FBN3: variants seen among roughly 807,000 people sequenced by gnomAD.
FBN3 encodes fibrillin 3, also known as fibrillin-3.
A neutral mutation model predicts 330.1 loss-of-function variants in FBN3; 234 were observed. That is an observed-to-expected ratio of 0.71 (90% CI 0.64 to 0.79). FBN3 has a LOEUF of 0.79. Ranked by LOEUF, FBN3 falls within the 30% of genes least tolerant of loss-of-function variation. The probability of loss-of-function intolerance (pLI) is 0.00; values close to 1 mark genes in which losing one functional copy is unlikely to be tolerated. For synonymous variants in FBN3, 1,458 were observed against 1,517.3 expected, an observed-to-expected ratio of 0.96 and a Z score of 0.91; for missense variants, 3,606 against 3,886.9, an observed-to-expected ratio of 0.93 and a Z score of 1.92.
rs998075369 is a variant in FBN3 at position 8,109,634 on chromosome 19, C to T, written c.4453G>A (p.Val1485Met). ...FELNPSGVGC[V>M]DTRAGNCFLE... ...CTGGAGTTGAGCATGGACTCACCCA[C>T]GCAGCCCACTCCGCTGGGGTTCAGC... The change falls in exon 35 of 64, where the codon GTG (valine) becomes ATG (methionine). Residue 1485 changes from valine (V) to methionine (M), a missense_variant. Coordinates refer to ENST00000600128, the MANE Select transcript of FBN3 (RefSeq NM_032447.5). This position sits in a 1 kb window ranked among gnomAD's most constrained non-coding sequence, Gnocchi z 5.2. 23 of 1,593,864 alleles carry T rather than the reference C, an allele frequency of 1.4e-5. No homozygotes were observed. Among genetic ancestry groups the T allele is most frequent in the Non-Finnish European group, 1.6e-5 (19 of 1,169,728 alleles).
chr19:8,080,642 G>C (rs1170186745), intron 59 of FBN3, among the ~76,000 whole-genome samples: 1 of 152,080 alleles, frequency 6.6e-6, no homozygotes, highest in Non-Finnish European at 1.5e-5. Flanking sequence ...TTTTGAGACA[G>C]AGTTTCGCTC....
In FBN3 at chr19:8,091,563, T is replaced by A; in HGVS notation, c.5933A>T (p.Asn1978Ile). Reference protein sequence around the residue: ...IDIDECSEEPNLCLFGTCTNS... With the variant: ...IDIDECSEEPILCLFGTCTNS... Reference sequence around the variant, plus strand: ...GGTACAGGTGCCAAAGAGGCAGAGGTTGGGCTCCTCTGAGCACTCGTCGAT... The same window carrying A: ...GGTACAGGTGCCAAAGAGGCAGAGGATGGGCTCCTCTGAGCACTCGTCGAT... Residue 1978 changes from asparagine (N) to isoleucine (I), a missense_variant, in exon 48 of 64, where the codon AAC (asparagine) becomes ATC (isoleucine). Asn to Ile is a moderately radical substitution (Grantham distance 149). Coordinates refer to ENST00000600128, the MANE Select transcript of FBN3 (RefSeq NM_032447.5). 1 of 1,613,888 alleles carries A rather than the reference T, an allele frequency of 6.2e-7. No homozygotes were observed. The highest frequency in any genetic ancestry group is 1.1e-5 in the South Asian group (1 of 91,070).
intron 18 of FBN3, among the ~76,000 whole-genome samples, chr19:8,127,213 A>G (rs1001823890): frequency 6.6e-6 from 1 of 151,882 alleles, no homozygotes; most frequent in African/African-American, 2.4e-5. Flanking sequence ...ATGTGCCACC[A>G]TGCCTGGCTA....
chr19:8,131,660 G>A lies in FBN3; in HGVS notation c.1884C>T (p.Ser628=). The A allele has an allele frequency of 1.2e-6, 2 of 1,614,254 alleles. No individual in the cohort carries two copies. The highest frequency in any genetic ancestry group is 8.5e-7 in the Non-Finnish European group (1 of 1,180,050). Residue 628 remains serine, a synonymous_variant, in exon 15 of 64, where the codon TCC becomes TCT. Transcript: ENST00000600128. The surrounding 1 kb of genome is among the most constrained non-coding windows in gnomAD (Gnocchi z 4.5). ...STCYGAIEKG[S]CARPFPGTVT... ...CAGTGCCAGGGAAGGGGCGGGCACA[G>A]GAGCCCTTCTCGATGGCCCCATAGC...
In FBN3 at chr19:8,072,310, C is replaced by A. The variant is rs368254442; in HGVS notation, c.7938-112G>T. 19 of 1,117,632 alleles carry A rather than the reference C, an allele frequency of 1.7e-5. 1 individual carries two copies. The African/African-American group carries it at 3.0e-4, about 18-fold the overall frequency. The allele number at this position is 1,117,632 out of a possible 1,614,324, so 69.2% of individuals were successfully genotyped here. On this transcript the variant is annotated intron_variant, in intron 62 of 63. Coordinates refer to ENST00000600128, the MANE Select transcript of FBN3 (RefSeq NM_032447.5). ...CTGAGTCATGCTGCAAATGCCCACG[C>A]ACACAAATGCCTCTGAGCATGTGCT...
chr19:8,127,587 C>T (rs529125371), intron 18 of FBN3, among the ~76,000 whole-genome samples: 66 of 152,328 alleles, frequency 4.3e-4, no homozygotes, highest in African/African-American at 1.5e-3. Context: ...AGTTGCAAAT[C>T]GGGGCCTCCA....
intron 56 of FBN3, among the ~76,000 whole-genome samples, chr19:8,085,124 A>G (rs2081906555): frequency 6.6e-6 from 1 of 152,116 alleles, no homozygotes; most frequent in Non-Finnish European, 1.5e-5. Context: ...CAGAACACAT[A>G]CACACACATT....
intron 13 of FBN3, 25 bp downstream of exon 13, chr19:8,135,936 G>GGGGGGGGGGGGGGGGCCGCCCCCCC: frequency 3.0e-6 from 2 of 668,778 alleles, no homozygotes; most frequent in East Asian, 3.9e-5. Flanking sequence ...GGAAGCCCCT[G>GGGGGGGGGGGGGGGGCCGCCCCCCC]CCCACCCGCC....
chr19:8,110,766 G>T (rs2082560727), intron 34 of FBN3, 79 bp downstream of exon 34: 1 of 1,567,196 alleles, frequency 6.4e-7, no homozygotes, highest in African/African-American at 1.3e-5. Flanking sequence ...GAGATCTGAG[G>T]GCAGTGAGGG....
At chr19:8,114,430 G>A (rs751541653) in intron 30 of FBN3, among the ~76,000 whole-genome samples, 10 of 152,118 alleles carry the variant, frequency 6.6e-5, no homozygotes, top group Middle Eastern at 3.4e-3. Flanking sequence ...TGTATTTTTA[G>A]TAGTGACGGG....
rs372200406 is a variant in FBN3, at chr19:8,083,357, C to T, written c.7103G>A (p.Arg2368His). ...TAEGRDVDEC[R>H]MLAHLCAHGE... is the part of the protein sequence containing the mutation. Reference sequence around the variant, plus strand: ...ATGAGCACACAGGTGAGCAAGCATACGGCATTCATCTACATCTGGGAAAAA... The same window carrying T: ...ATGAGCACACAGGTGAGCAAGCATATGGCATTCATCTACATCTGGGAAAAA... Residue 2368 changes from arginine (R) to histidine (H), a missense_variant, in exon 57 of 64, where the codon CGT (arginine) becomes CAT (histidine). Transcript: ENST00000600128. 7.4e-5 allele frequency: 119 copies of T among 1,613,850 alleles called. No homozygotes were observed. Among genetic ancestry groups the T allele is most frequent in the Non-Finnish European group, 9.0e-5 (106 of 1,179,980 alleles).
chr19:8,135,530 GATTACAGGC>G (rs747066485), intron 13 of FBN3, among the ~76,000 whole-genome samples: 6 of 151,350 alleles, frequency 4.0e-5, no homozygotes, highest in Non-Finnish European at 7.4e-5. Context: ...AAAGTGCTGG[GATTACAGGC>G]GTGATCCACT....
chr19:8,093,090 A>T (rs2082132694), intron 47 of FBN3, among the ~76,000 whole-genome samples: 1 of 152,138 alleles, frequency 6.6e-6, no homozygotes, highest in African/African-American at 2.4e-5. Flanking sequence ...AAAAAAATTT[A>T]AACCTTAAAA....
rs975875826 is a variant in FBN3 at position 8,147,354 on chromosome 19, C to A, written c.127G>T (p.Gly43Ter). 1.9e-6 allele frequency: 3 copies of A among 1,602,106 alleles called. No homozygotes were observed. Among genetic ancestry groups the A allele is most frequent in the Non-Finnish European group, 2.6e-6 (3 of 1,176,206 alleles). ...WDGALEAAGP[G>*]RVRRRGSPGI... ...GGGCTGCCCCGCCTCCGCACACGTC[C>A]AGGACCTGCAGCCTCCAAGGCCCCG... Residue 43 changes from glycine (G) to a stop codon, truncating the protein, a stop_gained, in exon 2 of 64, where the codon GGA becomes TGA. Coordinates refer to ENST00000600128, the MANE Select transcript of FBN3 (RefSeq NM_032447.5). LOFTEE classifies it high-confidence loss of function.
chr19:8,110,458 T>C (rs547057423), intron 34 of FBN3, among the ~76,000 whole-genome samples: 72 of 152,318 alleles, frequency 4.7e-4, no homozygotes, highest in African/African-American at 1.7e-3. Context: ...TAAAGTTTTA[T>C]TGGTACAGGG....
rs548499893 is a variant in FBN3 at position 8,122,677 on chromosome 19, T to C, written c.3082+787A>G. 3.3e-3 allele frequency among the ~76,000 whole-genome samples: 449 copies of C among 137,538 alleles called. 4 individuals carry two copies. Among genetic ancestry groups the C allele is most frequent in the African/African-American group, 5.4e-3 (201 of 36,914 alleles). The allele number at this position is 137,538 out of a possible 152,430, so 90.2% of individuals were successfully genotyped here. On this transcript the variant is annotated intron_variant, in intron 24 of 63. Transcript: ENST00000600128. ...CCATCGCACCTGGCCCAGCGCCCCC[T>C]TTTTTTTTTGAGATGGAGTCTCTGT...
intron 18 of FBN3, among the ~76,000 whole-genome samples, chr19:8,127,804 G>A (rs2083029392): frequency 1.3e-5 from 2 of 152,148 alleles, no homozygotes; most frequent in Admixed American, 1.3e-4. Context: ...CCAACACGAT[G>A]AAACACCATC....
At chr19:8,100,770 G>A (rs1223557287) in intron 41 of FBN3, 131 bp downstream of exon 41, 1 of 723,102 alleles carries the variant, frequency 1.4e-6, no homozygotes, top group Non-Finnish European at 2.5e-6. Flanking sequence ...AGTTGGAGGT[G>A]TGTGGAGCGA....
Position 8,106,240 on chromosome 19 carries a change from G to C in FBN3, c.4688-7C>G. ...TCTTGGCACTCGTCGATGTCTGTCAGGAAGTAAGGAAGCCAAGCTTGGGAG... is the reference window on the plus strand; with the variant it reads ...TCTTGGCACTCGTCGATGTCTGTCACGAAGTAAGGAAGCCAAGCTTGGGAG... On this transcript the variant is annotated splice_polypyrimidine_tract_variant and splice_region_variant and intron_variant, in intron 37 of 63. Transcript: ENST00000600128. 6.2e-7 allele frequency: 1 copy of C among 1,614,102 alleles called. No homozygotes were observed. The highest frequency in any genetic ancestry group is 8.5e-7 in the Non-Finnish European group (1 of 1,179,998).
Sources: allele counts gnomAD v4.1 joint callset (sites outside exome capture counted in the v4.1 genomes callset), GRCh38; gene constraint gnomAD v4.1.1; non-coding constraint Gnocchi (gnomAD v3.1); transcripts MANE v1.5; gene names NCBI Gene and HGNC (gene_info 2026-07-23, HGNC 2026-07-21).